PTPRD: variants seen among roughly 807,000 people sequenced by gnomAD.
PTPRD encodes protein tyrosine phosphatase receptor type D, also known as receptor-type tyrosine-protein phosphatase delta.
Under a neutral mutation model 214.5 loss-of-function variants are expected in PTPRD, and 34 were observed. That is an observed-to-expected ratio of 0.16 (90% CI 0.12 to 0.21). The LOEUF (loss-of-function observed/expected upper bound fraction) is 0.21. Ranked by LOEUF, PTPRD falls within the 10% of genes least tolerant of loss-of-function variation. PTPRD has a pLI of 1.00. For missense variants in PTPRD, 2,545 were observed against 2,398.7 expected, an observed-to-expected ratio of 1.06 and a Z score of -1.27; for synonymous variants, 1,128 against 845.7, an observed-to-expected ratio of 1.33 and a Z score of -5.79.
At chr9:8,584,108 T>C (rs1411204937) in intron 14 of PTPRD, among the ~76,000 whole-genome samples, 1 of 152,160 alleles carries the variant, frequency 6.6e-6, no homozygotes, top group East Asian at 1.9e-4. Flanking sequence ...GAGCCATGAT[T>C]GTGCCACTGC....
chr9:9,591,789 C>A (rs1313445181), intron 7 of PTPRD, among the ~76,000 whole-genome samples: 3 of 152,004 alleles, frequency 2.0e-5, no homozygotes, highest in Non-Finnish European at 2.9e-5. Flanking sequence ...TTCATCACCT[C>A]AAATACTTAT....
At chr9:9,096,333 C>T (rs961504102) in intron 10 of PTPRD, among the ~76,000 whole-genome samples, 1 of 152,072 alleles carries the variant, frequency 6.6e-6, no homozygotes, top group Admixed American at 6.6e-5. Flanking sequence ...TGTTGTAGAC[C>T]TTAAATATAC....
rs747273613 is a variant in PTPRD at position 8,500,930 on chromosome 9, G to A, written c.1952C>T (p.Ala651Val). 2 of 1,614,118 alleles carry A rather than the reference G, an allele frequency of 1.2e-6. No individual in the cohort carries two copies. Among genetic ancestry groups the A allele is most frequent in the South Asian group, 2.2e-5 (2 of 91,078 alleles). The change falls in exon 24 of 46, where the codon GCA becomes GTA. Residue 651 changes from alanine (A) to valine (V), a missense_variant. Coordinates refer to ENST00000381196, the MANE Select transcript of PTPRD (RefSeq NM_002839.4). ...AGGCTTGTCATCTTCCCCATCCACT[G>A]CAGTGTACTTGATGGAGTATTCAGT... is the stretch of plus-strand genomic sequence containing the variant. ...IITEYSIKYT[A>V]VDGEDDKPHE...
intron 4 of PTPRD, among the ~76,000 whole-genome samples, chr9:9,983,820 G>T (rs918534207): frequency 1.3e-5 from 2 of 152,272 alleles, no homozygotes; most frequent in South Asian, 4.1e-4. Context: ...TGAAAACTAG[G>T]ATATTGGAGT....
rs149198236 is a variant in PTPRD at position 8,859,516 on chromosome 9, A to G, written c.-103-125570T>C. ...AAGCTAGAGCTCACCAGCCACCTCC[A>G]TTGCTCATTCTGTGTTCAGGCCAGC... On this transcript the variant is annotated intron_variant, in intron 11 of 45. Transcript: ENST00000381196. Among the ~76,000 whole-genome samples, 882 of 152,294 alleles carry G rather than the reference A, an allele frequency of 5.8e-3. 7 individuals are homozygous for G. Among genetic ancestry groups the G allele is most frequent in the Middle Eastern group, 0.051 (15 of 294 alleles).
chr9:9,959,902 T>C (rs957528431), intron 4 of PTPRD, among the ~76,000 whole-genome samples: 3 of 152,158 alleles, frequency 2.0e-5, no homozygotes, highest in African/African-American at 7.2e-5. Context: ...TATATAGATG[T>C]TTACATATAG....
At chr9:10,305,885 C>A (rs1184706569) in intron 3 of PTPRD, among the ~76,000 whole-genome samples, 2 of 152,022 alleles carry the variant, frequency 1.3e-5, no homozygotes, top group East Asian at 1.9e-4. Flanking sequence ...GGATCTAGAA[C>A]TAGAAATACC....
At chr9:8,442,916 T>G in intron 34 of PTPRD, among the ~76,000 whole-genome samples, 1 of 152,296 alleles carries the variant, frequency 6.6e-6, no homozygotes, top group Non-Finnish European at 1.5e-5. Flanking sequence ...AAATTCAAAA[T>G]TTTTACTTCA....
chr9:9,441,161 A>G (rs2087555254), intron 8 of PTPRD, among the ~76,000 whole-genome samples: 1 of 152,182 alleles, frequency 6.6e-6, no homozygotes, highest in Non-Finnish European at 1.5e-5. Flanking sequence ...GTGATACCAA[A>G]GATGCTATCA....
In PTPRD at chr9:9,505,977, T is replaced by C. The variant is rs576005205; in HGVS notation, c.-237+68755A>G. ...AGGCAGAAAAAAAATAATTTGAGAG[T>C]AGATAATCTCATAATCTAAGGACAC... On this transcript the variant is annotated intron_variant, in intron 8 of 45. Coordinates refer to ENST00000381196, the MANE Select transcript of PTPRD (RefSeq NM_002839.4). 6.0e-5 allele frequency among the ~76,000 whole-genome samples: 9 copies of C among 151,218 alleles called. No individual in the cohort carries two copies. In the South Asian group the frequency reaches 1.9e-3, roughly 31 times the overall value.
At chr9:10,334,720 C>T (rs1431526702) in intron 3 of PTPRD, among the ~76,000 whole-genome samples, 2 of 151,456 alleles carry the variant, frequency 1.3e-5, no homozygotes, top group African/African-American at 2.4e-5. Flanking sequence ...AGCAAGGATT[C>T]AGCACACAAG....
chr9:9,402,678 G>A (rs2071158062), intron 8 of PTPRD, among the ~76,000 whole-genome samples: 1 of 151,810 alleles, frequency 6.6e-6, no homozygotes, highest in African/African-American at 2.4e-5. Flanking sequence ...ATTATGAAAT[G>A]AGTATTTAAA....
chr9:9,077,918 T>C (rs564811760), intron 10 of PTPRD, among the ~76,000 whole-genome samples: 30 of 152,228 alleles, frequency 2.0e-4, no homozygotes, highest in Admixed American at 9.2e-4. Context: ...TCTATTTACA[T>C]TGAAGCCATT....
intron 11 of PTPRD, among the ~76,000 whole-genome samples, chr9:8,921,328 C>T (rs552130348): frequency 6.6e-6 from 1 of 151,340 alleles, no homozygotes; most frequent in Admixed American, 6.5e-5. Context: ...CTCTCACACA[C>T]AGACATACCT....
intron 11 of PTPRD, among the ~76,000 whole-genome samples, chr9:8,771,272 C>T (rs760917281): frequency 3.9e-4 from 59 of 151,730 alleles, no homozygotes; most frequent in Non-Finnish European, 1.5e-4. Flanking sequence ...AAATATTTTC[C>T]TAGTTATTTA....
chr9:8,330,844 C>G (rs1587776947), intron 44 of PTPRD, among the ~76,000 whole-genome samples: 1 of 149,964 alleles, frequency 6.7e-6, no homozygotes, highest in Non-Finnish European at 1.5e-5. Flanking sequence ...TAAACTCTCT[C>G]AAGAGTTTCA....
At chr9:9,460,579 CT>C in intron 8 of PTPRD, among the ~76,000 whole-genome samples, 1 of 152,002 alleles carries the variant, frequency 6.6e-6, no homozygotes, top group South Asian at 2.1e-4. Flanking sequence ...ATAAAAAATG[CT>C]TAACAATAAT....
chr9:9,893,956 G>C (rs183595926), intron 5 of PTPRD, among the ~76,000 whole-genome samples: 3 of 151,984 alleles, frequency 2.0e-5, no homozygotes, highest in Admixed American at 2.0e-4. Flanking sequence ...AAGACCACAA[G>C]TGCACACCAC....
chr9:9,108,460 A>G (rs2099801728), intron 10 of PTPRD, among the ~76,000 whole-genome samples: 1 of 152,184 alleles, frequency 6.6e-6, no homozygotes, highest in Non-Finnish European at 1.5e-5. Flanking sequence ...ACAAATTTAT[A>G]CAACAAATTC....
Sources: gnomAD v4.1 joint callset for allele counts (sites outside exome capture counted in the v4.1 genomes callset) on GRCh38, gnomAD v4.1.1 for gene constraint, MANE v1.5 for transcripts, NCBI Gene and HGNC (gene_info 2026-07-23, HGNC 2026-07-21) for gene names.